The following ABCB11 variants were observed in gnomAD, a reference collection of about 807,000 sequenced individuals.
The protein encoded by ABCB11 is ATP binding cassette subfamily B member 11, also known as bile salt export pump.
Under a neutral mutation model 148.0 loss-of-function variants are expected in ABCB11, and 95 were observed. The ratio of observed to expected loss-of-function variants is 0.64; its 90% CI spans 0.54 to 0.76. The LOEUF (loss-of-function observed/expected upper bound fraction) is 0.76. Among genes scored for constraint, ABCB11 ranks in the 30% least tolerant of loss-of-function variants. ABCB11 has a pLI of 0.00. For synonymous variants in ABCB11, 591 were observed against 555.4 expected, an observed-to-expected ratio of 1.06 and a Z score of -0.90; for missense variants, 1,523 against 1,617.8, an observed-to-expected ratio of 0.94 and a Z score of 1.01.
chr2:169,019,864 A>G (rs1381168980), intron 1 of ABCB11, among the ~76,000 whole-genome samples: 11 of 152,234 alleles, frequency 7.2e-5, no homozygotes. Context: ...TTTTACACTG[A>G]GCCAAAAAAT....
chr2:169,021,163 A>G (rs1355587303), intron 1 of ABCB11, among the ~76,000 whole-genome samples: 1 of 151,998 alleles, frequency 6.6e-6, no homozygotes, highest in Non-Finnish European at 1.5e-5. Context: ...GAGTTTCACC[A>G]TATTGGCCAG....
intron 13 of ABCB11, 54 bp from the exon 14 acceptor site, chr2:168,972,104 T>A: frequency 6.6e-7 from 1 of 1,525,642 alleles, no homozygotes; most frequent in Non-Finnish European, 9.0e-7. Context: ...GGGTTCTGAA[T>A]CATAATATTA....
chr2:169,016,184 C>T (rs756578491), intron 3 of ABCB11, among the ~76,000 whole-genome samples: 7 of 152,186 alleles, frequency 4.6e-5, no homozygotes, highest in Admixed American at 4.6e-4. Context: ...CTGACCACTC[C>T]CAGCCCAAAG....
intron 2 of ABCB11, among the ~76,000 whole-genome samples, 180 bp from the exon 3 acceptor site, chr2:169,016,979 TACACACACACACACACACACAC>T (rs71397686): frequency 8.7e-5 from 12 of 138,100 alleles, no homozygotes; most frequent in East Asian, 8.2e-4. Flanking sequence ...TCTATCTTTC[TACACACACACACACACACACAC>T]ACACACACAC....
chr2:168,991,551 C>T (rs527527901), intron 8 of ABCB11, among the ~76,000 whole-genome samples: 1 of 151,874 alleles, frequency 6.6e-6, no homozygotes, highest in Non-Finnish European at 1.5e-5. Flanking sequence ...CCAAAGAAAA[C>T]CCTGGCACAG....
At chr2:169,018,709 A>AAT (rs1558930856) in intron 1 of ABCB11, among the ~76,000 whole-genome samples, 7 of 152,182 alleles carry the variant, frequency 4.6e-5, no homozygotes, top group Non-Finnish European at 1.0e-4. Flanking sequence ...AGTCTTATTC[A>AAT]CAGTGGAAAA....
At chr2:168,953,271 A>G (rs1461779732) in intron 19 of ABCB11, among the ~76,000 whole-genome samples, 4 of 151,646 alleles carry the variant, frequency 2.6e-5, no homozygotes, top group African/African-American at 9.7e-5. Context: ...ATTTTCTGAC[A>G]TGATGATCTG....
intron 3 of ABCB11, among the ~76,000 whole-genome samples, chr2:169,016,441 T>C (rs76919064): frequency 0.011 from 1,605 of 152,312 alleles, 30 homozygotes; most frequent in African/African-American, 0.034. Flanking sequence ...TTTAGGTCTC[T>C]ACTCTTTGCC....
At position 168,971,902 on chromosome 2, in the gene ABCB11, A is replaced by G. The variant is rs886044201; in HGVS notation, c.1583T>C (p.Ile528Thr). Reference protein sequence around the residue: ...YGREDATMEDIVQAAKEANAY... With the variant: ...YGREDATMEDTVQAAKEANAY... ...ATTGGCCTCCTTGGCAGCTTGGACT[A>G]TGTCTTCCATTGTTGCATCTTCTCT... Residue 528 changes from isoleucine (I) to threonine (T), a missense_variant, in exon 14 of 28, where the codon ATA becomes ACA. Coordinates refer to ENST00000650372, the MANE Select transcript of ABCB11 (RefSeq NM_003742.4). 16 of 1,612,988 alleles carry G rather than the reference A, an allele frequency of 9.9e-6. No individual in the cohort carries two copies. Among genetic ancestry groups the G allele is most frequent in the African/African-American group, 1.3e-5 (1 of 74,850 alleles).
chr2:169,017,782 C>A (rs1229918714), intron 2 of ABCB11, among the ~76,000 whole-genome samples: 2 of 152,118 alleles, frequency 1.3e-5, no homozygotes, highest in African/African-American at 4.8e-5. Context: ...ACAGCCACCA[C>A]TGGAACAACC....
Position 168,999,923 on chromosome 2 carries a change from A to G in ABCB11, c.390-3201T>C, listed in dbSNP as rs12621591. 0.015 allele frequency among the ~76,000 whole-genome samples: 2,307 copies of G among 152,206 alleles called. 255 individuals carry two copies. The East Asian group carries it at 0.3, about 20-fold the overall frequency. On this transcript the variant is annotated intron_variant, in intron 5 of 27. Transcript: ENST00000650372. ...AACTGTTTTCCAGGATAGCTATGAC[A>G]TGGTTTGAATGGCATGAGTGATGGT...
chr2:169,014,445 G>T, intron 3 of ABCB11, 91 bp from the exon 4 acceptor site: 2 of 1,269,160 alleles, frequency 1.6e-6, no homozygotes, highest in Non-Finnish European at 2.2e-6. Context: ...TTATTCTTTA[G>T]TAAGAAAGAA....
rs768970711 is a variant in ABCB11, at chr2:168,944,732, G to A, written c.2483C>T (p.Thr828Ile). 14 of 1,612,676 alleles carry A rather than the reference G, an allele frequency of 8.7e-6. No homozygotes were observed. The South Asian group carries it at 1.3e-4, about 15-fold the overall frequency. ...YAFAKSGELL[T>I]KRLRKFGFRA... ...GAAACCAAATTTACGTAGCCTTTTT[G>A]TTAGGAGCTCCCCAGATTTAGCAAA... is the stretch of plus-strand genomic sequence containing the variant. The change falls in exon 21 of 28, where the codon ACA becomes ATA. Residue 828 changes from threonine (T) to isoleucine (I), a missense_variant. Transcript: ENST00000650372.
chr2:168,979,286 C>G (rs1694046644), intron 11 of ABCB11, among the ~76,000 whole-genome samples: 1 of 151,998 alleles, frequency 6.6e-6, no homozygotes, highest in Non-Finnish European at 1.5e-5. Context: ...GCTCTTACTT[C>G]CCACGCCCCA....
Position 168,976,608 on chromosome 2 carries a change from G to T in ABCB11, c.1277C>A (p.Thr426Asn). The part of the protein sequence containing the change: ...IKGEIEFHNV[T>N]FHYPSRPEVK... The stretch of plus-strand genomic sequence containing the variant: ...CTCTGGTCTGGAAGGATAATGGAAG[G>T]TCACATTATGGAATTCAATTTCACC... Residue 426 changes from threonine (T) to asparagine (N), a missense_variant, in exon 12 of 28, where the codon ACC becomes AAC. By Grantham distance (65) the Thr-to-Asn change is moderately conservative. Transcript: ENST00000650372. 6.2e-7 allele frequency: 1 copy of T among 1,606,644 alleles called. No homozygotes were observed. The highest frequency in any genetic ancestry group is 8.5e-7 in the Non-Finnish European group (1 of 1,174,504).
At chr2:169,010,520 G>A (rs1248256632) in intron 5 of ABCB11, among the ~76,000 whole-genome samples, 2 of 152,102 alleles carry the variant, frequency 1.3e-5, no homozygotes, top group African/African-American at 4.8e-5. Flanking sequence ...TGCTTTTGTT[G>A]CTAAAATTAT....
chr2:168,943,353 G>A (rs1218927756), intron 21 of ABCB11, among the ~76,000 whole-genome samples: 1 of 151,856 alleles, frequency 6.6e-6, no homozygotes, highest in Admixed American at 6.6e-5. Flanking sequence ...ATTACATTTT[G>A]AGAACTAAGA....
At chr2:168,994,698 T>G (rs57520509) in intron 7 of ABCB11, among the ~76,000 whole-genome samples, 7,587 of 152,200 alleles carry the variant, frequency 0.05, 627 homozygotes, top group African/African-American at 0.17. Flanking sequence ...CCAGAATATT[T>G]ATTGAATATA....
intron 21 of ABCB11, among the ~76,000 whole-genome samples, chr2:168,938,865 C>A (rs1691945790): frequency 1.3e-5 from 2 of 151,914 alleles, no homozygotes; most frequent in African/African-American, 2.4e-5. Context: ...ACCTAAGACA[C>A]AAACAAAACA....
Sources: allele counts gnomAD v4.1 joint callset (sites outside exome capture counted in the v4.1 genomes callset), GRCh38; gene constraint gnomAD v4.1.1; transcripts MANE v1.5; gene names NCBI Gene and HGNC (gene_info 2026-07-23, HGNC 2026-07-21).